IDE: variants seen among roughly 807,000 people sequenced by gnomAD.
IDE encodes the protein insulin degrading enzyme, also known as insulin-degrading enzyme.
IDE carries 58 observed loss-of-function variants against 133.2 expected under a neutral mutation model. The ratio of observed to expected loss-of-function variants is 0.44; its 90% CI spans 0.35 to 0.54. The LOEUF is 0.54. IDE is among the 20% of genes least tolerant of loss of function. The pLI is 0.00. For synonymous variants in IDE, 396 were observed against 421.3 expected (o/e 0.94, Z 0.73); for missense variants, 981 against 1,234.0 (o/e 0.79, Z 3.07).
At chr10:92,472,319 G>T (rs889386525) in intron 17 of IDE, among the ~76,000 whole-genome samples, 1 of 152,076 alleles carries the variant, frequency 6.6e-6, no homozygotes, top group African/African-American at 2.4e-5. Flanking sequence ...TTTGCTTTTT[G>T]ATCATTATAA....
intron 4 of IDE, among the ~76,000 whole-genome samples, chr10:92,515,553 AC>A (rs1228511317): frequency 3.4e-5 from 4 of 117,354 alleles, no homozygotes; most frequent in African/African-American, 1.3e-4. Flanking sequence ...GCAACCGCGC[AC>A]CCGGCCTTTT....
At chr10:92,473,547 A>G (rs1026502136) in intron 17 of IDE, among the ~76,000 whole-genome samples, 2 of 152,108 alleles carry the variant, frequency 1.3e-5, no homozygotes, top group African/African-American at 4.8e-5. Context: ...TCTAGGGAAA[A>G]AAACAACAAA....
At chr10:92,479,636 T>C (rs192254491) in intron 14 of IDE, 138 of 454,178 alleles carry the variant, frequency 3.0e-4, no homozygotes, top group Middle Eastern at 6.1e-4. Context: ...TGTGCATGCG[T>C]GCGTGTGTGC....
chr10:92,518,431 G>A (rs539946276), intron 4 of IDE, among the ~76,000 whole-genome samples: 1 of 152,314 alleles, frequency 6.6e-6, no homozygotes, highest in Admixed American at 6.5e-5. Flanking sequence ...AAATGTTAAA[G>A]TCTTACGACA....
intron 4 of IDE, among the ~76,000 whole-genome samples, chr10:92,528,445 G>A (rs1451171061): frequency 6.7e-6 from 1 of 149,146 alleles, no homozygotes; most frequent in East Asian, 2.0e-4. Context: ...AGTATTAGCA[G>A]ATCAGAGTTT....
intron 22 of IDE, among the ~76,000 whole-genome samples, chr10:92,458,908 A>C (rs1211466408): frequency 6.6e-6 from 1 of 152,066 alleles, no homozygotes; most frequent in African/African-American, 2.4e-5. Flanking sequence ...CTGGGACTAC[A>C]GGCTATTATT....
chr10:92,521,699 T>G (rs1168564280), intron 4 of IDE, among the ~76,000 whole-genome samples: 2 of 151,664 alleles, frequency 1.3e-5, no homozygotes, highest in African/African-American at 4.8e-5. Context: ...AAAATAATAA[T>G]AATAATAATA....
intron 1 of IDE, among the ~76,000 whole-genome samples, chr10:92,566,074 A>G (rs968405445): frequency 6.6e-6 from 1 of 151,890 alleles, no homozygotes; most frequent in Non-Finnish European, 1.5e-5. Flanking sequence ...CAACATATGT[A>G]GCCAGGTGCA....
At chr10:92,504,765 A>T (rs762984738) in intron 11 of IDE, 29 bp downstream of exon 11, 1 of 1,128,104 alleles carries the variant, frequency 8.9e-7, no homozygotes, top group Non-Finnish European at 1.3e-6. Flanking sequence ...AATTTAGTGT[A>T]TAATAGTAAA....
chr10:92,466,375 G>A (rs543203342), intron 19 of IDE, among the ~76,000 whole-genome samples: 1 of 151,978 alleles, frequency 6.6e-6, no homozygotes, highest in Admixed American at 6.6e-5. Flanking sequence ...GGAGTGAAGT[G>A]GTGCCATCTC....
rs184435459 is a variant in IDE at position 92,498,281 on chromosome 10, G to A, written c.1430+6513C>T. Among the ~76,000 whole-genome samples, 39 of 152,302 alleles carry A rather than the reference G, an allele frequency of 2.6e-4. 1 individual carries two copies. The highest frequency in any genetic ancestry group is 1.9e-3 in the Admixed American group (29 of 15,292). On this transcript the variant is annotated intron_variant, in intron 11 of 24. Coordinates refer to ENST00000265986, the MANE Select transcript of IDE (RefSeq NM_004969.4). ...TGTATCCAAGATCTCATGACTAGTA[G>A]TAGGTGACAAAACCACACAAAATTA...
At chr10:92,534,256 A>G (rs890392097) in intron 3 of IDE, among the ~76,000 whole-genome samples, 2 of 152,240 alleles carry the variant, frequency 1.3e-5, no homozygotes, top group African/African-American at 4.8e-5. Context: ...TTTAAGGTTT[A>G]GCATTCTGGA....
At chr10:92,524,958 A>T (rs1849546948) in intron 4 of IDE, among the ~76,000 whole-genome samples, 1 of 149,358 alleles carries the variant, frequency 6.7e-6, no homozygotes, top group Non-Finnish European at 1.5e-5. Flanking sequence ...TATACAAATC[A>T]ATAAACATGA....
At chr10:92,562,196 C>T (rs1843314942) in intron 1 of IDE, among the ~76,000 whole-genome samples, 1 of 152,196 alleles carries the variant, frequency 6.6e-6, no homozygotes, top group African/African-American at 2.4e-5. Flanking sequence ...AACTGCAAAA[C>T]ATATCCACAT....
intron 2 of IDE, among the ~76,000 whole-genome samples, chr10:92,536,571 G>A (rs750562982): frequency 1.3e-5 from 2 of 151,024 alleles, no homozygotes; most frequent in Non-Finnish European, 2.9e-5. Flanking sequence ...GGTGGCACGC[G>A]CCTGTAATCC....
intron 1 of IDE, among the ~76,000 whole-genome samples, chr10:92,543,620 G>C (rs2082994275): frequency 6.6e-6 from 1 of 152,182 alleles, no homozygotes; most frequent in Admixed American, 6.5e-5. Flanking sequence ...AGGAGTTTAT[G>C]ATCAACAAAT....
rs7087334 is a variant in IDE at position 92,464,029 on chromosome 10, T to C, written c.2489-26A>G. 7.8e-4 allele frequency: 1,236 copies of C among 1,591,472 alleles called. 13 individuals are homozygous for C. The African/African-American group carries it at 0.015, about 19-fold the overall frequency. ...CTGAAACACAGACATCAGCCAGTCA[T>C]GACCGTGGCATTTGAGACCTGGGTC... is the stretch of plus-strand genomic sequence containing the variant. On this transcript the variant is annotated intron_variant, in intron 20 of 24. Coordinates refer to ENST00000265986, the MANE Select transcript of IDE (RefSeq NM_004969.4).
In IDE at chr10:92,464,058, T is replaced by C. The variant is rs1845544229; in HGVS notation, c.2489-55A>G. 1.3e-5 allele frequency: 20 copies of C among 1,546,516 alleles called. No individual in the cohort carries two copies. The East Asian group carries it at 4.5e-4, about 35-fold the overall frequency. On this transcript the variant is annotated intron_variant, in intron 20 of 24. Coordinates refer to ENST00000265986, the MANE Select transcript of IDE (RefSeq NM_004969.4). Reference sequence around the variant, plus strand: ...CGTGGCATTTGAGACCTGGGTCATTTTTAATCCTTCAAAAACTAACCTGTC... The same window carrying C: ...CGTGGCATTTGAGACCTGGGTCATTCTTAATCCTTCAAAAACTAACCTGTC...
At chr10:92,531,632 G>T in intron 4 of IDE, 116 bp downstream of exon 4, 1 of 385,516 alleles carries the variant, frequency 2.6e-6, no homozygotes, top group Non-Finnish European at 4.2e-6. Flanking sequence ...AACTGTATAT[G>T]CCATGGGTTA....
Sources: gnomAD v4.1 joint callset for allele counts (sites outside exome capture counted in the v4.1 genomes callset) on GRCh38, gnomAD v4.1.1 for gene constraint, MANE v1.5 for transcripts, NCBI Gene and HGNC (gene_info 2026-07-23, HGNC 2026-07-21) for gene names.